The following NOL12 variants were observed in gnomAD, a reference collection of about 807,000 sequenced individuals.
NOL12 encodes nucleolar protein 12.
In NOL12, 21 loss-of-function variants were observed where a neutral mutation model predicts 25.2. The ratio of observed to expected loss-of-function variants is 0.83; its 90% CI spans 0.59 to 1.20. The LOEUF is 1.20. NOL12 is among the 50% of genes most tolerant of loss of function. NOL12 has a pLI of 0.00. For missense variants in NOL12, 286 were observed against 287.6 expected, an observed-to-expected ratio of 0.99 and a Z score of 0.04; for synonymous variants, 133 against 113.8, an observed-to-expected ratio of 1.17 and a Z score of -1.08.
chr22:37,691,266 C>T lies in NOL12; in HGVS notation c.572C>T (p.Pro191Leu). 1 of 1,614,086 alleles carries T rather than the reference C, an allele frequency of 6.2e-7. No individual in the cohort carries two copies. Among genetic ancestry groups the T allele is most frequent in the Non-Finnish European group, 8.5e-7 (1 of 1,179,990 alleles). Residue 191 changes from proline to leucine, a missense_variant, in exon 6 of 6, where the codon CCA (proline) becomes CTA (leucine). Transcript: ENST00000359114. The part of the protein sequence containing the change: ...PRRAQDSKKP[P>L]RAPRTSKAQR... ...CGGGCCCAGGACTCCAAAAAGCCCC[C>T]AAGGGCCCCTCGTACCAGCAAGGCC...
rs763214947 is a variant in NOL12 at position 37,690,805 on chromosome 22, G to GC, written c.479+13dup. 3.6e-5 allele frequency: 57 copies of GC among 1,595,092 alleles called. No homozygotes were observed. The highest frequency in any genetic ancestry group is 4.6e-5 in the Non-Finnish European group (54 of 1,163,936). ...CCTGCTCTCTCAGCGGTGAGTCTTG[G>GC]CCTGCTGCCTCCCCGGTCCCACCCC... On this transcript the variant is annotated intron_variant, in intron 5 of 5. Transcript: ENST00000359114.
Position 37,692,239 on chromosome 22 carries a change from C to T in NOL12, c.*903C>T, listed in dbSNP as rs552959965. On this transcript the variant is annotated 3_prime_UTR_variant, in exon 6 of 6. Transcript: ENST00000359114. Reference sequence around the variant, plus strand: ...AGGTGTGGTGGCACACGCGTGTAATCCCAGCTACTTGGGAGGCTGAGGTGG... The same window carrying T: ...AGGTGTGGTGGCACACGCGTGTAATTCCAGCTACTTGGGAGGCTGAGGTGG... 1.2e-5 allele frequency: 4 copies of T among 334,104 alleles called. No individual in the cohort carries two copies. In the Admixed American group the frequency reaches 1.9e-4, roughly 16 times the overall value. The allele number at this position is 334,104 out of a possible 1,614,324, so 20.7% of individuals were successfully genotyped here.
chr22:37,686,348 A>C lies in NOL12; in HGVS notation c.-45A>C. 6.5e-7 allele frequency: 1 copy of C among 1,548,296 alleles called. No individual in the cohort carries two copies. The highest frequency in any genetic ancestry group is 8.7e-7 in the Non-Finnish European group (1 of 1,146,882). On this transcript the variant is annotated 5_prime_UTR_variant, in exon 1 of 6. Coordinates refer to ENST00000359114, the MANE Select transcript of NOL12 (RefSeq NM_024313.3). ...GCGCCCGGGAGGATGAGTACGCTACACCCGGAAGTGTCTTCAGGGAGAGGA... is the reference window on the plus strand; with the variant it reads ...GCGCCCGGGAGGATGAGTACGCTACCCCCGGAAGTGTCTTCAGGGAGAGGA...
chr22:37,686,951 G>A, intron 1 of NOL12: 6 of 985,438 alleles, frequency 6.1e-6, no homozygotes, highest in Non-Finnish European at 7.2e-6. Flanking sequence ...CATGGTAGCG[G>A]GTCAGCGAAA....
At chr22:37,689,052 T>C in intron 4 of NOL12, 60 bp downstream of exon 4, 2 of 1,576,712 alleles carry the variant, frequency 1.3e-6, no homozygotes, top group Non-Finnish European at 1.7e-6. Flanking sequence ...CTTGTCAGGG[T>C]TGCTCAGTGC....
intron 5 of NOL12, 145 bp downstream of exon 5, chr22:37,690,939 T>A: frequency 1.4e-6 from 1 of 698,888 alleles, no homozygotes. Context: ...CATTGCCCCG[T>A]CCTGTCCCAC....
intron 4 of NOL12, among the ~76,000 whole-genome samples, chr22:37,690,372 C>T (rs1490865675): frequency 6.6e-6 from 1 of 152,150 alleles, no homozygotes; most frequent in East Asian, 1.9e-4. Flanking sequence ...TCACACCGGT[C>T]TTTCATTTTA....
chr22:37,686,377 C>G lies in NOL12; in HGVS notation c.-16C>G, dbSNP rs147183523. 9 of 1,585,414 alleles carry G rather than the reference C, an allele frequency of 5.7e-6. No homozygotes were observed. The highest frequency in any genetic ancestry group is 1.7e-4 in the Middle Eastern group (1 of 6,030). On this transcript the variant is annotated 5_prime_UTR_variant, in exon 1 of 6. Transcript: ENST00000359114. ...GGAAGTGTCTTCAGGGAGAGGAAGC[C>G]GGCGGCCTCACTGCTATGGGCCGCA...
chr22:37,688,381 G>T (rs759477393), intron 3 of NOL12, 21 bp downstream of exon 3: 1 of 1,613,256 alleles, frequency 6.2e-7, no homozygotes, highest in South Asian at 1.1e-5. Context: ...TGCTTGGCCT[G>T]ACCTGGAGAA....
Position 37,693,450 on chromosome 22 carries a change from A to C in NOL12, c.*2114A>C, listed in dbSNP as rs1430594978. 6.6e-6 allele frequency: 1 copy of C among 152,298 alleles called. No individual in the cohort carries two copies. The highest frequency in any genetic ancestry group is 1.9e-4 in the East Asian group (1 of 5,202). The allele number at this position is 152,298 out of a possible 1,614,324, so 9.4% of individuals were successfully genotyped here. A position where few individuals can be genotyped will look rare whatever the true frequency, so the allele number is the denominator to read the frequency against. ...ACATTTACAATTTATAGTGTTTACCAGTATTAAATTCTCAGCCACTCCTTT... is the reference window on the plus strand; with the variant it reads ...ACATTTACAATTTATAGTGTTTACCCGTATTAAATTCTCAGCCACTCCTTT... On this transcript the variant is annotated 3_prime_UTR_variant, in exon 6 of 6. Coordinates refer to ENST00000359114, the MANE Select transcript of NOL12 (RefSeq NM_024313.3).
rs751417234 is a variant in NOL12, at chr22:37,688,984, C to A, written c.373C>A (p.Pro125Thr). The stretch of plus-strand genomic sequence containing the variant: ...GGGGGCCCGGCTGCTCGGGCTGACC[C>A]CACCTGAGGTGGGTCCCAGTCTCAG... Reference protein sequence around the residue: ...LSGARLLGLTPPEGGAGDRSE... With the variant: ...LSGARLLGLTTPEGGAGDRSE... Residue 125 changes from proline to threonine, a missense_variant, in exon 4 of 6, where the codon CCA (proline) becomes ACA (threonine). Physicochemically the swap from Pro to Thr is conservative, Grantham distance 38 (BLOSUM62 -1). Transcript: ENST00000359114. 2.5e-6 allele frequency: 4 copies of A among 1,612,022 alleles called. No homozygotes were observed. Among genetic ancestry groups the A allele is most frequent in the Non-Finnish European group, 3.4e-6 (4 of 1,179,980 alleles).
In NOL12 at chr22:37,688,910, A is replaced by G. The variant is rs769929104; in HGVS notation, c.299A>G (p.His100Arg). The G allele has an allele frequency of 1.9e-6, 3 of 1,613,516 alleles. No individual in the cohort carries two copies. Among genetic ancestry groups the G allele is most frequent in the Non-Finnish European group, 2.5e-6 (3 of 1,179,928 alleles). The change falls in exon 4 of 6, where the codon CAC becomes CGC. Residue 100 changes from histidine (H) to arginine (R), a missense_variant. Transcript: ENST00000359114. ...TAKTESVQYDHPNHTVTVTTI... is the reference protein window; with the variant it reads ...TAKTESVQYDRPNHTVTVTTI... ...AAGACGGAGTCGGTGCAGTATGACC[A>G]CCCCAACCACACAGTCACCGTGACC... is the stretch of plus-strand genomic sequence containing the variant.
At chr22:37,687,090 T>G (rs975527531) in intron 1 of NOL12, 2 of 985,242 alleles carry the variant, frequency 2.0e-6, no homozygotes, top group African/African-American at 3.5e-5. Flanking sequence ...ACTCCTAGCG[T>G]GCATCAACAG....
chr22:37,687,109 G>A, intron 1 of NOL12: 1 of 985,270 alleles, frequency 1.0e-6, no homozygotes, highest in Non-Finnish European at 1.2e-6. Context: ...AGGCCCTACA[G>A]GCGAGTTTAG....
Position 37,692,669 on chromosome 22 carries a change from G to C in NOL12, c.*1333G>C, listed in dbSNP as rs1273862048. ...ACTATGGAGTCAGGATGACAGGACA[G>C]TGCGGTGAGGGGCATCTGCGACAGG... On this transcript the variant is annotated 3_prime_UTR_variant, in exon 6 of 6. Transcript: ENST00000359114. The C allele has an allele frequency of 2.5e-6, 1 of 398,860 alleles. No homozygotes were observed. The highest frequency in any genetic ancestry group is 4.4e-6 in the Non-Finnish European group (1 of 226,336). The allele number at this position is 398,860 out of a possible 1,614,324, so 24.7% of individuals were successfully genotyped here.
intron 1 of NOL12, 166 bp from the exon 2 acceptor site, chr22:37,687,744 C>T: frequency 1.9e-6 from 1 of 539,786 alleles, no homozygotes; most frequent in South Asian, 2.0e-5. Context: ...AGGCGTGAGC[C>T]ACCATGCCTG....
chr22:37,688,042 G>A lies in NOL12; in HGVS notation c.189+27G>A, dbSNP rs544613664. 2.0e-6 allele frequency: 3 copies of A among 1,511,096 alleles called. No homozygotes were observed. The East Asian group carries it at 7.3e-5, about 37-fold the overall frequency. The allele number at this position is 1,511,096 out of a possible 1,614,324, so 93.6% of individuals were successfully genotyped here. A position where few individuals can be genotyped will look rare whatever the true frequency, so the allele number is the denominator to read the frequency against. ...TACGCAGGGGGAAGGTGGGAGGGAG[G>A]TCTTTGATTCTTAGGGCACTTGCAG... On this transcript the variant is annotated intron_variant, in intron 2 of 5. Transcript: ENST00000359114.
chr22:37,687,403 G>A (rs1476856268), intron 1 of NOL12, among the ~76,000 whole-genome samples: 2 of 152,116 alleles, frequency 1.3e-5, no homozygotes, highest in Non-Finnish European at 2.9e-5. Context: ...TAGACTCTGT[G>A]ACTCAACGTT....
rs1922095371 is a variant in NOL12 at position 37,692,090 on chromosome 22, C to T, written c.*754C>T. On this transcript the variant is annotated 3_prime_UTR_variant, in exon 6 of 6. Coordinates refer to ENST00000359114, the MANE Select transcript of NOL12 (RefSeq NM_024313.3). Reference sequence around the variant, plus strand: ...AAGCAGTTGCAGCCGGGCTTGGTGGCTCACGCCTGTAATCCCAGCACTTTG... The same window carrying T: ...AAGCAGTTGCAGCCGGGCTTGGTGGTTCACGCCTGTAATCCCAGCACTTTG... The T allele has an allele frequency of 6.3e-6, 1 of 159,216 alleles. No homozygotes were observed. Among genetic ancestry groups the T allele is most frequent in the African/African-American group, 2.4e-5 (1 of 41,796 alleles). 9.9% of individuals were successfully genotyped at this position (159,216 alleles called of 1,614,324 possible).
Sources: allele counts gnomAD v4.1 joint callset (sites outside exome capture counted in the v4.1 genomes callset), GRCh38; gene constraint gnomAD v4.1.1; transcripts MANE v1.5; gene names NCBI Gene and HGNC (gene_info 2026-07-23, HGNC 2026-07-21).